PCDHGB7: variants seen among roughly 807,000 people sequenced by gnomAD.
The protein encoded by PCDHGB7 is protocadherin gamma subfamily B, 7, also known as protocadherin gamma-B7.
PCDHGB7 carries 37 observed loss-of-function variants against 61.4 expected under a neutral mutation model. That is an observed-to-expected ratio of 0.60 (90% confidence interval 0.46 to 0.79). The LOEUF (loss-of-function observed/expected upper bound fraction) is 0.79, where lower values mean the gene tolerates loss of function less well. Ranked by LOEUF, PCDHGB7 falls within the 30% of genes least tolerant of loss-of-function variation. PCDHGB7 has a pLI of 0.00. For missense variants in PCDHGB7, 1,166 were observed against 1,202.5 expected, an observed-to-expected ratio of 0.97 and a Z score of 0.45; for synonymous variants, 464 against 503.5, an observed-to-expected ratio of 0.92 and a Z score of 1.05.
chr5:141,423,678 G>A (rs1161093615), intron 1 of PCDHGB7: 3 of 1,496,158 alleles, frequency 2.0e-6, no homozygotes, highest in Non-Finnish European at 2.7e-6. Flanking sequence ...TTATTTCTCT[G>A]CCTCCTAATT....
Position 141,431,612 on chromosome 5 carries a change from G to T in PCDHGB7, c.2415+11338G>T, listed in dbSNP as rs79883194. 6.2e-7 allele frequency: 1 copy of T among 1,614,244 alleles called. No homozygotes were observed. The highest frequency in any genetic ancestry group is 2.2e-5 in the East Asian group (1 of 44,880). Reference sequence around the variant, plus strand: ...AGTGAGGTATTCCTTCCGGTATGTGGACGACAAGGCGGCCCAAGTTTTCAA... The same window carrying T: ...AGTGAGGTATTCCTTCCGGTATGTGTACGACAAGGCGGCCCAAGTTTTCAA... On this transcript the variant is annotated intron_variant, in intron 1 of 3. Transcript: ENST00000398594. The surrounding 1 kb of genome is among the most constrained non-coding windows in gnomAD (Gnocchi z 4.8).
intron 1 of PCDHGB7, among the ~76,000 whole-genome samples, chr5:141,449,588 C>CAA (rs768743917): frequency 2.4e-4 from 14 of 57,430 alleles, no homozygotes; most frequent in Non-Finnish European, 3.7e-4. Flanking sequence ...GACTCTGTCT[C>CAA]AAAAAAAAAA....
At chr5:141,424,526 T>C (rs1020206614) in intron 1 of PCDHGB7, 2 of 152,216 alleles carry the variant, frequency 1.3e-5, no homozygotes, top group Non-Finnish European at 2.9e-5. Context: ...AGTAAATCCA[T>C]ATATAGAAAT....
intron 1 of PCDHGB7, chr5:141,441,758 C>T: frequency 2.6e-6 from 1 of 382,050 alleles, no homozygotes. Context: ...TCAACGTGAG[C>T]CTGCGCGTGT....
At chr5:141,500,672 C>A (rs2099801937) in intron 2 of PCDHGB7, among the ~76,000 whole-genome samples, 1 of 152,156 alleles carries the variant, frequency 6.6e-6, no homozygotes, top group South Asian at 2.1e-4. Context: ...TACTGTCCAA[C>A]AGAATTATAG....
chr5:141,487,356 C>T lies in PCDHGB7; in HGVS notation c.2416-7451C>T. 6.2e-7 allele frequency: 1 copy of T among 1,614,220 alleles called. No individual in the cohort carries two copies. The highest frequency in any genetic ancestry group is 8.5e-7 in the Non-Finnish European group (1 of 1,180,042). ...GCCTGTGGAGTCACATGCTTTCCTG[C>T]TGGCACCTGTGCCTGTCTCACCAGA... On this transcript the variant is annotated intron_variant, in intron 1 of 3. Transcript: ENST00000398594. This position sits in a 1 kb window ranked among gnomAD's most constrained non-coding sequence, Gnocchi z 5.0.
Position 141,487,660 on chromosome 5 carries a change from T to C in PCDHGB7, c.2416-7147T>C. Reference sequence around the variant, plus strand: ...AACAAATGCTTGAGGGTTATTCTGATCCAGGCATATGGCTAGGCCATGTCC... The same window carrying C: ...AACAAATGCTTGAGGGTTATTCTGACCCAGGCATATGGCTAGGCCATGTCC... On this transcript the variant is annotated intron_variant, in intron 1 of 3. Coordinates refer to ENST00000398594, the MANE Select transcript of PCDHGB7 (RefSeq NM_018927.4). The surrounding 1 kb of genome is among the most constrained non-coding windows in gnomAD (Gnocchi z 5.0). The C allele has an allele frequency of 6.2e-7, 1 of 1,613,442 alleles. No homozygotes were observed. The highest frequency in any genetic ancestry group is 8.5e-7 in the Non-Finnish European group (1 of 1,179,710).
chr5:141,418,345 T>G lies in PCDHGB7; in HGVS notation c.486T>G (p.Ile162Met). Residue 162 changes from isoleucine (I) to methionine (M), a missense_variant, in exon 1 of 4, where the codon ATT becomes ATG. Coordinates refer to ENST00000398594, the MANE Select transcript of PCDHGB7 (RefSeq NM_018927.4). ...TILESAEDPD[I>M]SMNSLSKYQL... ...TTGAGTCTGCAGAAGATCCTGATAT[T>G]AGTATGAATTCGCTGAGCAAATACC... 1 of 1,614,000 alleles carries G rather than the reference T, an allele frequency of 6.2e-7. No homozygotes were observed. Among genetic ancestry groups the G allele is most frequent in the Non-Finnish European group, 8.5e-7 (1 of 1,179,892 alleles).
At chr5:141,456,912 G>A (rs566842808) in intron 1 of PCDHGB7, among the ~76,000 whole-genome samples, 2 of 152,206 alleles carry the variant, frequency 1.3e-5, no homozygotes, top group South Asian at 2.1e-4. Context: ...GCAGTGAGCC[G>A]AGATCGCACC....
At position 141,486,637 on chromosome 5, in the gene PCDHGB7, G is replaced by C. The variant is rs761072169; in HGVS notation, c.2416-8170G>C. 28 of 1,613,638 alleles carry C rather than the reference G, an allele frequency of 1.7e-5. No homozygotes were observed. The highest frequency in any genetic ancestry group is 1.1e-5 in the Non-Finnish European group (13 of 1,180,034). ...CTGACCCAGACTCTGGCTTGAATGC[G>C]CTTATCTCCTACTCACTCCTGGAGC... On this transcript the variant is annotated intron_variant, in intron 1 of 3. Transcript: ENST00000398594. This position sits in a 1 kb window ranked among gnomAD's most constrained non-coding sequence, Gnocchi z 5.0.
chr5:141,438,054 T>C (rs1451843979), intron 1 of PCDHGB7, among the ~76,000 whole-genome samples: 2 of 152,182 alleles, frequency 1.3e-5, no homozygotes, highest in African/African-American at 4.8e-5. Flanking sequence ...TTGAGTTCAC[T>C]TTTAAGAAAC....
rs1214853229 is a variant in PCDHGB7 at position 141,432,238 on chromosome 5, GAA to G, written c.2415+11965_2415+11966del. ...CCCAGATCACTTATTCCCTGGCTGA[GAA>G]CACCATCCAAGGGGCAAGCCTATCG... On this transcript the variant is annotated intron_variant, in intron 1 of 3. Coordinates refer to ENST00000398594, the MANE Select transcript of PCDHGB7 (RefSeq NM_018927.4). The surrounding 1 kb of genome is among the most constrained non-coding windows in gnomAD (Gnocchi z 6.0). 1 of 1,614,216 alleles carries G rather than the reference GAA, an allele frequency of 6.2e-7. No homozygotes were observed. The highest frequency in any genetic ancestry group is 2.2e-5 in the East Asian group (1 of 44,882).
chr5:141,428,222 C>A, intron 1 of PCDHGB7: 1 of 1,173,442 alleles, frequency 8.5e-7, no homozygotes, highest in Non-Finnish European at 1.2e-6. Flanking sequence ...CTAGTCTTCG[C>A]AGACAGCCTG....
intron 1 of PCDHGB7, among the ~76,000 whole-genome samples, chr5:141,448,083 T>C (rs1020024755): frequency 2.6e-5 from 4 of 151,368 alleles, no homozygotes; most frequent in African/African-American, 9.7e-5. Context: ...CGAAATGCCA[T>C]CTTAAAAAAA....
intron 1 of PCDHGB7, among the ~76,000 whole-genome samples, chr5:141,456,729 C>T (rs1337183677): frequency 6.6e-6 from 1 of 152,158 alleles, no homozygotes; most frequent in Non-Finnish European, 1.5e-5. Context: ...CTTTGGGAGG[C>T]TGAGGCGGGA....
At chr5:141,458,219 C>T (rs2098940224) in intron 1 of PCDHGB7, among the ~76,000 whole-genome samples, 1 of 152,248 alleles carries the variant, frequency 6.6e-6, no homozygotes, top group African/African-American at 2.4e-5. Flanking sequence ...AATAAGTTTC[C>T]TTTCCCAGTC....
In PCDHGB7 at chr5:141,487,818, G is replaced by A. The variant is rs1009237001; in HGVS notation, c.2416-6989G>A. On this transcript the variant is annotated intron_variant, in intron 1 of 3. Coordinates refer to ENST00000398594, the MANE Select transcript of PCDHGB7 (RefSeq NM_018927.4). This position sits in a 1 kb window ranked among gnomAD's most constrained non-coding sequence, Gnocchi z 5.0. ...GAGTTGTCACAGTTTAGCATTGGGG[G>A]CGGGTCATGCCTATATCTGAGTAAG... The A allele has an allele frequency of 1.2e-4, 158 of 1,331,596 alleles. No homozygotes were observed. The highest frequency in any genetic ancestry group is 1.4e-4 in the Non-Finnish European group (140 of 970,524). 82.5% of individuals were successfully genotyped at this position (1,331,596 alleles called of 1,614,324 possible). A position where few individuals can be genotyped will look rare whatever the true frequency, so the allele number is the denominator to read the frequency against.
intron 1 of PCDHGB7, chr5:141,427,892 C>A (rs752723370): frequency 9.9e-5 from 155 of 1,567,044 alleles, no homozygotes; most frequent in Non-Finnish European, 1.3e-4. Context: ...ACGACCAGGG[C>A]TCGCCCGCGC....
At chr5:141,423,460 G>A in intron 1 of PCDHGB7, 1 of 1,614,046 alleles carries the variant, frequency 6.2e-7, no homozygotes, top group Non-Finnish European at 8.5e-7. Context: ...TGTAGGCGTG[G>A]ACGGGGTACA....
Sources: allele counts gnomAD v4.1 joint callset (sites outside exome capture counted in the v4.1 genomes callset), GRCh38; gene constraint gnomAD v4.1.1; non-coding constraint Gnocchi (gnomAD v3.1); transcripts MANE v1.5; gene names NCBI Gene and HGNC (gene_info 2026-07-23, HGNC 2026-07-21).